Variants in GATAD2A observed in about 807,000 individuals in gnomAD.
GATAD2A encodes transcriptional repressor p66-alpha.
A neutral mutation model predicts 68.5 loss-of-function variants in GATAD2A; 12 were observed. That is an observed-to-expected ratio of 0.18 (90% CI 0.11 to 0.28). GATAD2A has a LOEUF of 0.28. GATAD2A is among the 10% of genes least tolerant of loss of function. GATAD2A has a pLI of 1.00. For missense variants in GATAD2A, 755 were observed against 868.5 expected, an observed-to-expected ratio of 0.87 and a Z score of 1.64; for synonymous variants, 410 against 375.3, an observed-to-expected ratio of 1.09 and a Z score of -1.07.
intron 1 of GATAD2A, among the ~76,000 whole-genome samples, chr19:19,424,693 T>C (rs939521767): frequency 6.6e-6 from 1 of 152,176 alleles, no homozygotes; most frequent in Non-Finnish European, 1.5e-5. Context: ...CTTTTGACCA[T>C]GTGACACACC....
At chr19:19,500,995 G>A (rs1030279224) in intron 8 of GATAD2A, 123 bp from the exon 9 acceptor site, 2 of 844,114 alleles carry the variant, frequency 2.4e-6, no homozygotes, top group Non-Finnish European at 3.7e-6. Flanking sequence ...TTGGTGCCCA[G>A]TAGGCATTTG....
At chr19:19,495,274 G>A (rs754858728) in intron 5 of GATAD2A, among the ~76,000 whole-genome samples, 50 of 150,670 alleles carry the variant, frequency 3.3e-4, no homozygotes, top group African/African-American at 5.4e-4. Flanking sequence ...AATTACAGGC[G>A]TGAGCCACCA....
At chr19:19,421,904 C>T (rs944518746) in intron 1 of GATAD2A, among the ~76,000 whole-genome samples, 19 of 152,008 alleles carry the variant, frequency 1.2e-4, no homozygotes, top group Non-Finnish European at 2.8e-4. Context: ...TCACTGCAAC[C>T]TCCACCCCCT....
At chr19:19,434,080 A>G (rs1231759652) in intron 1 of GATAD2A, among the ~76,000 whole-genome samples, 1 of 151,676 alleles carries the variant, frequency 6.6e-6, no homozygotes, top group Non-Finnish European at 1.5e-5. Flanking sequence ...GCCTTCTTTC[A>G]TTTTTCTTGT....
intron 2 of GATAD2A, among the ~76,000 whole-genome samples, chr19:19,478,593 C>CA (rs944009237): frequency 1.0e-3 from 143 of 136,594 alleles, no homozygotes; most frequent in East Asian, 3.3e-3. Flanking sequence ...GACTCTGTCT[C>CA]AAAAAAAAAA....
At position 19,492,432 on chromosome 19, in the gene GATAD2A, C is replaced by A; in HGVS notation, c.396C>A (p.Ala132=). 24 of 1,613,928 alleles carry A rather than the reference C, an allele frequency of 1.5e-5. No homozygotes were observed. Among genetic ancestry groups the A allele is most frequent in the Non-Finnish European group, 1.9e-5 (23 of 1,179,868 alleles). The change falls in exon 3 of 12, where the codon GCC becomes GCA. Residue 132 remains alanine (A), a synonymous_variant. Coordinates refer to ENST00000683918, the MANE Select transcript of GATAD2A (RefSeq NM_001384528.1). ...CCTTGAAGGAGACTAGCACCGAGGC[C>A]CTCATGGTGAGCCACGTGTTGGCGC... ...TVALKETSTE[A]LMKSSPEERE...
At chr19:19,422,792 A>G (rs1182727250) in intron 1 of GATAD2A, among the ~76,000 whole-genome samples, 1 of 151,240 alleles carries the variant, frequency 6.6e-6, no homozygotes, top group Non-Finnish European at 1.5e-5. Flanking sequence ...GCTCACTGCA[A>G]GCTCCGCCTC....
chr19:19,435,114 A>G (rs760302893), intron 1 of GATAD2A: 2 of 533,598 alleles, frequency 3.7e-6, no homozygotes, highest in Non-Finnish European at 7.7e-6. Context: ...CCTTATCTGT[A>G]AAATGGGCAT....
intron 1 of GATAD2A, among the ~76,000 whole-genome samples, chr19:19,435,640 A>G (rs1004377078): frequency 2.3e-4 from 35 of 152,168 alleles, no homozygotes; most frequent in Non-Finnish European, 1.6e-4. Context: ...GCCTGAGGTC[A>G]GGAGTTTGAG....
chr19:19,464,487 G>GCTGTCGTC (rs2057715911), intron 1 of GATAD2A, among the ~76,000 whole-genome samples: 1 of 152,270 alleles, frequency 6.6e-6, no homozygotes, highest in East Asian at 1.9e-4. Context: ...ACATCGCTGT[G>GCTGTCGTC]CTGTCGTCCT....
At chr19:19,474,121 G>T in intron 2 of GATAD2A, 1 of 985,330 alleles carries the variant, frequency 1.0e-6, no homozygotes, top group Non-Finnish European at 1.2e-6. Context: ...GAAAAAAGGT[G>T]TGCATCACAT....
intron 1 of GATAD2A, among the ~76,000 whole-genome samples, chr19:19,424,248 G>A (rs1288130130): frequency 1.3e-5 from 2 of 151,726 alleles, no homozygotes; most frequent in Non-Finnish European, 2.9e-5. Context: ...TGTTGTTTTT[G>A]ATACAGGGTC....
intron 2 of GATAD2A, among the ~76,000 whole-genome samples, chr19:19,473,075 T>C (rs1600224069): frequency 1.3e-5 from 2 of 152,266 alleles, no homozygotes; most frequent in East Asian, 1.9e-4. Context: ...CCGTGGTCCA[T>C]GGATTGGGCA....
rs2060953525 is a variant in GATAD2A at position 19,508,336 on chromosome 19, CCAGGAACCACCCCT to C, written c.*2864_*2877del. 1 of 152,284 alleles carries C rather than the reference CCAGGAACCACCCCT, an allele frequency of 6.6e-6. No individual in the cohort carries two copies. The highest frequency in any genetic ancestry group is 1.5e-5 in the Non-Finnish European group (1 of 68,136). 9.4% of individuals were successfully genotyped at this position (152,284 alleles called of 1,614,324 possible). A position where few individuals can be genotyped will look rare whatever the true frequency, so the allele number is the denominator to read the frequency against. On this transcript the variant is annotated 3_prime_UTR_variant, in exon 12 of 12. Transcript: ENST00000683918. ...CCTCATCCCAGGAACTCTACGGTGACCAGGAACCACCCCTCTGACGAGGTCTGTAGCGGCCCTTC... is the reference window on the plus strand; with the variant it reads ...CCTCATCCCAGGAACTCTACGGTGACCTGACGAGGTCTGTAGCGGCCCTTC...
intron 1 of GATAD2A, among the ~76,000 whole-genome samples, chr19:19,421,931 C>T (rs1600081807): frequency 6.6e-6 from 1 of 152,040 alleles, no homozygotes; most frequent in East Asian, 1.9e-4. Context: ...AAGCAGTTCT[C>T]CTGCCCCAGC....
At chr19:19,451,073 A>G (rs1242101769) in intron 1 of GATAD2A, among the ~76,000 whole-genome samples, 1 of 151,580 alleles carries the variant, frequency 6.6e-6, no homozygotes, top group Non-Finnish European at 1.5e-5. Flanking sequence ...CCCGGCCGAG[A>G]TTCAAACTTT....
At chr19:19,458,477 G>A (rs960474146) in intron 1 of GATAD2A, 1 of 152,202 alleles carries the variant, frequency 6.6e-6, no homozygotes, top group African/African-American at 2.4e-5. Flanking sequence ...TGCATACCAA[G>A]CCCATACTGT....
rs780916209 is a variant in GATAD2A, at chr19:19,465,327, C to T, written c.-6-13C>T. The T allele has an allele frequency of 3.1e-5, 50 of 1,609,254 alleles. No homozygotes were observed. The highest frequency in any genetic ancestry group is 4.1e-5 in the Non-Finnish European group (48 of 1,175,766). On this transcript the variant is annotated splice_polypyrimidine_tract_variant and intron_variant, in intron 1 of 11. Coordinates refer to ENST00000683918, the MANE Select transcript of GATAD2A (RefSeq NM_001384528.1). ...ACCCAGTTAAAATGTTGTGTCTTCT[C>T]CTCCCTCCCAAGTTCAGAATGACCG...
At chr19:19,476,142 T>C (rs1439900928) in intron 2 of GATAD2A, among the ~76,000 whole-genome samples, 2 of 152,214 alleles carry the variant, frequency 1.3e-5, no homozygotes, top group Non-Finnish European at 1.5e-5. Flanking sequence ...CTGGGGATGT[T>C]ATTATCCTGT....
Sources: gnomAD v4.1 joint callset for allele counts (sites outside exome capture counted in the v4.1 genomes callset) on GRCh38, gnomAD v4.1.1 for gene constraint, MANE v1.5 for transcripts, NCBI Gene and HGNC (gene_info 2026-07-23, HGNC 2026-07-21) for gene names.